Variants in EPCAM observed in about 807,000 individuals in gnomAD.
The protein encoded by EPCAM is epithelial cell adhesion molecule, also known as adenocarcinoma-associated antigen.
A neutral mutation model predicts 40.0 loss-of-function variants in EPCAM; 39 were observed. That is an observed-to-expected ratio of 0.98 (90% CI 0.76 to 1.27). The LOEUF is 1.27. EPCAM is among the 50% of genes most tolerant of loss of function. The probability of loss-of-function intolerance (pLI) is 0.00; values close to 1 mark genes in which losing one functional copy is unlikely to be tolerated. For missense variants in EPCAM, 503 were observed against 381.2 expected (o/e 1.32, Z -2.66); for synonymous variants, 168 against 132.3 (o/e 1.27, Z -1.85).
intron 2 of EPCAM, 112 bp from the exon 3 acceptor site, chr2:47,373,696 A>C: frequency 6.7e-7 from 1 of 1,498,342 alleles, no homozygotes. Context: ...TAAGTGTGGG[A>C]ACACATAAAT....
chr2:47,369,421 C>G lies in EPCAM; in HGVS notation c.-85C>G. 1 of 1,281,028 alleles carries G rather than the reference C, an allele frequency of 7.8e-7. No individual in the cohort carries two copies. Among genetic ancestry groups the G allele is most frequent in the Admixed American group, 4.0e-5 (1 of 24,834 alleles). 79.4% of individuals were successfully genotyped at this position (1,281,028 alleles called of 1,614,324 possible). A position where few individuals can be genotyped will look rare whatever the true frequency, so the allele number is the denominator to read the frequency against. On this transcript the variant is annotated 5_prime_UTR_variant, in exon 1 of 9. Coordinates refer to ENST00000263735, the MANE Select transcript of EPCAM (RefSeq NM_002354.3). ...TGCCCCAGGCCTCGCGCTGCCCGGC[C>G]GGCTCCTCGTGTCCCACTCCCGGCG...
At chr2:47,371,796 T>C (rs191845566) in intron 1 of EPCAM, among the ~76,000 whole-genome samples, 1 of 152,290 alleles carries the variant, frequency 6.6e-6, no homozygotes, top group African/African-American at 2.4e-5. Context: ...ACCCCAGTAT[T>C]GAGTTTAGTG....
Position 47,373,983 on chromosome 2 carries a change from C to A in EPCAM, c.360C>A (p.Asn120Lys), listed in dbSNP as rs371217745. The A allele has an allele frequency of 6.2e-6, 10 of 1,614,132 alleles. No individual in the cohort carries two copies. Among genetic ancestry groups the A allele is most frequent in the Non-Finnish European group, 8.5e-6 (10 of 1,180,028 alleles). The stretch of plus-strand genomic sequence containing the variant: ...GCACCTCCATGTGCTGGTGTGTGAA[C>A]ACTGCTGGGGTCAGAAGAACAGACA... Reference protein sequence around the residue: ...CNGTSMCWCVNTAGVRRTDKD... With the variant: ...CNGTSMCWCVKTAGVRRTDKD... Residue 120 changes from asparagine to lysine, a missense_variant, in exon 3 of 9, where the codon AAC (asparagine) becomes AAA (lysine). Asn to Lys is a moderately conservative substitution (Grantham distance 94). Coordinates refer to ENST00000263735, the MANE Select transcript of EPCAM (RefSeq NM_002354.3).
At chr2:47,378,370 C>T (rs1390639074) in intron 5 of EPCAM, among the ~76,000 whole-genome samples, 3 of 147,346 alleles carry the variant, frequency 2.0e-5, no homozygotes, top group African/African-American at 5.0e-5. Context: ...GGCGCCATCT[C>T]GGCTCACCAC....
chr2:47,380,618 C>A (rs1436357419), intron 7 of EPCAM, among the ~76,000 whole-genome samples: 1 of 152,006 alleles, frequency 6.6e-6, no homozygotes, highest in Non-Finnish European at 1.5e-5. Context: ...TAAGATGGAA[C>A]AACAGAACAC....
intron 8 of EPCAM, 93 bp downstream of exon 8, chr2:47,385,303 A>G (rs1486051250): frequency 9.8e-7 from 1 of 1,015,744 alleles, no homozygotes; most frequent in Non-Finnish European, 1.6e-6. Context: ...TTTCAGTTAT[A>G]CTGGAGTCCC....
rs878854490 is a variant in EPCAM, at chr2:47,369,548, GCGGCGA to G, written c.51_56del (p.Ala18_Thr19del). On this transcript the variant is annotated inframe_deletion, in exon 1 of 9. Coordinates refer to ENST00000263735, the MANE Select transcript of EPCAM (RefSeq NM_002354.3). ...CCTCGCGTTCGGGCTTCTGCTTGCCGCGGCGACGGCGACTTTTGCCGCAGCTCAGGA... is the reference window on the plus strand; with the variant it reads ...CCTCGCGTTCGGGCTTCTGCTTGCCGCGGCGACTTTTGCCGCAGCTCAGGA... 9.5e-6 allele frequency: 15 copies of G among 1,586,232 alleles called. No individual in the cohort carries two copies. Among genetic ancestry groups the G allele is most frequent in the African/African-American group, 1.4e-5 (1 of 73,890 alleles).
At chr2:47,379,990 AT>A in intron 7 of EPCAM, 21 bp downstream of exon 7, 1 of 1,592,204 alleles carries the variant, frequency 6.3e-7, no homozygotes. Context: ...AACAAGTAAA[AT>A]TTCATTTAAG....
Position 47,386,679 on chromosome 2 carries a change from C to T in EPCAM, c.*66C>T, listed in dbSNP as rs1671750585. The T allele has an allele frequency of 8.8e-6, 11 of 1,249,088 alleles. No homozygotes were observed. Among genetic ancestry groups the T allele is most frequent in the Admixed American group, 3.4e-5 (2 of 58,570 alleles). The allele number at this position is 1,249,088 out of a possible 1,614,324, so 77.4% of individuals were successfully genotyped here. A position where few individuals can be genotyped will look rare whatever the true frequency, so the allele number is the denominator to read the frequency against. On this transcript the variant is annotated 3_prime_UTR_variant, in exon 9 of 9. Coordinates refer to ENST00000263735, the MANE Select transcript of EPCAM (RefSeq NM_002354.3). ...TGGACACAAATTACAAATGTGTGTG[C>T]GTGGGACGAAGACATCTTTGAAGGT...
intron 1 of EPCAM, among the ~76,000 whole-genome samples, chr2:47,372,538 C>T (rs1477894805): frequency 1.3e-5 from 2 of 152,132 alleles, no homozygotes; most frequent in Middle Eastern, 6.8e-3. Flanking sequence ...CTTTGGTAGG[C>T]CGAGGCGGAC....
At chr2:47,383,870 C>A (rs984203138) in intron 7 of EPCAM, among the ~76,000 whole-genome samples, 9 of 151,670 alleles carry the variant, frequency 5.9e-5, no homozygotes, top group African/African-American at 2.2e-4. Context: ...ATCCTGATGT[C>A]AGGTGATCTG....
intron 5 of EPCAM, among the ~76,000 whole-genome samples, chr2:47,377,980 C>G (rs1164221672): frequency 6.6e-6 from 1 of 152,032 alleles, no homozygotes; most frequent in East Asian, 2.0e-4. Context: ...CGCCTGTAAT[C>G]CCAGCACTTT....
At chr2:47,378,299 CT>C (rs70940676) in intron 5 of EPCAM, among the ~76,000 whole-genome samples, 32,287 of 118,516 alleles carry the variant, frequency 0.27, 3,226 homozygotes, top group East Asian at 0.47. Context: ...TTTTTCTTTT[CT>C]TTTTTTTTTT....
At chr2:47,374,090 G>T in intron 3 of EPCAM, 42 bp downstream of exon 3, 2 of 1,608,182 alleles carry the variant, frequency 1.2e-6, no homozygotes. Context: ...ATGCTGTTCA[G>T]ATTCATTTAA....
At chr2:47,377,893 T>A (rs1460474626) in intron 5 of EPCAM, 1 of 346,324 alleles carries the variant, frequency 2.9e-6, no homozygotes, top group Non-Finnish European at 5.7e-6. Flanking sequence ...GTAGTATGAA[T>A]TTATTCAAGA....
intron 6 of EPCAM, among the ~76,000 whole-genome samples, chr2:47,379,487 T>C (rs1184181544): frequency 1.3e-5 from 2 of 152,164 alleles, no homozygotes; most frequent in East Asian, 3.8e-4. Context: ...GGTGAAAGGA[T>C]GAAAGGAAGA....
At chr2:47,374,194 C>G in intron 3 of EPCAM, 146 bp downstream of exon 3, 4 of 894,846 alleles carry the variant, frequency 4.5e-6, no homozygotes, top group Non-Finnish European at 7.0e-6. Flanking sequence ...ATTCCAGTCC[C>G]CCTCGCTACC....
At chr2:47,375,382 A>G in intron 4 of EPCAM, 83 bp downstream of exon 4, 1 of 895,456 alleles carries the variant, frequency 1.1e-6, no homozygotes, top group South Asian at 1.4e-5. Flanking sequence ...AAGCAAGTCT[A>G]AATGCTTTTT....
chr2:47,375,201 A>C (rs769913596), intron 3 of EPCAM, 33 bp from the exon 4 acceptor site: 1 of 1,468,630 alleles, frequency 6.8e-7, no homozygotes, highest in South Asian at 1.1e-5. Flanking sequence ...AGACTGAGTT[A>C]TAGTCAACTG....
Sources: gnomAD v4.1 joint callset for allele counts (sites outside exome capture counted in the v4.1 genomes callset) on GRCh38, gnomAD v4.1.1 for gene constraint, MANE v1.5 for transcripts, NCBI Gene and HGNC (gene_info 2026-07-23, HGNC 2026-07-21) for gene names.